IFT88: variants seen among roughly 807,000 people sequenced by gnomAD.
The protein encoded by IFT88 is intraflagellar transport 88, also known as intraflagellar transport protein 88 homolog.
A neutral mutation model predicts 119.5 loss-of-function variants in IFT88; 74 were observed. The observed-to-expected ratio is 0.62, with a 90% CI of 0.51 to 0.75. The LOEUF is 0.75. Ranked by LOEUF, IFT88 falls within the 30% of genes least tolerant of loss-of-function variation. The pLI, the probability that IFT88 is intolerant of heterozygous loss-of-function variation, is 0.00. For missense variants in IFT88, 961 were observed against 977.7 expected, an observed-to-expected ratio of 0.98 and a Z score of 0.23; for synonymous variants, 279 against 316.7, an observed-to-expected ratio of 0.88 and a Z score of 1.26.
At chr13:20,591,973 T>C (rs780823737) in intron 6 of IFT88, among the ~76,000 whole-genome samples, 21 of 152,176 alleles carry the variant, frequency 1.4e-4, no homozygotes, top group Non-Finnish European at 2.6e-4. Context: ...ATGTTTGGTA[T>C]GCCAATAAGG....
At chr13:20,655,246 A>C (rs1461563472) in intron 21 of IFT88, among the ~76,000 whole-genome samples, 1 of 151,944 alleles carries the variant, frequency 6.6e-6, no homozygotes, top group African/African-American at 2.4e-5. Flanking sequence ...ATCCTGGCCA[A>C]CATGGTGAAA....
At chr13:20,681,892 T>G (rs1216161574) in intron 24 of IFT88, among the ~76,000 whole-genome samples, 1 of 152,242 alleles carries the variant, frequency 6.6e-6, no homozygotes, top group Non-Finnish European at 1.5e-5. Flanking sequence ...AATAAGAAGC[T>G]TTACCATTAC....
intron 13 of IFT88, among the ~76,000 whole-genome samples, chr13:20,610,613 A>T (rs945139292): frequency 1.3e-5 from 2 of 151,934 alleles, no homozygotes; most frequent in Non-Finnish European, 2.9e-5. Flanking sequence ...TCAGTTCTAC[A>T]TTTCTTTCAG....
At chr13:20,574,185 G>A (rs2036927247) in intron 1 of IFT88, among the ~76,000 whole-genome samples, 195 bp from the exon 2 acceptor site, 1 of 152,060 alleles carries the variant, frequency 6.6e-6, no homozygotes, top group Non-Finnish European at 1.5e-5. Context: ...AACTTAGTTG[G>A]GTGTGGTGGC....
intron 22 of IFT88, among the ~76,000 whole-genome samples, chr13:20,658,088 T>C (rs1467970580): frequency 6.6e-6 from 1 of 151,994 alleles, no homozygotes; most frequent in Non-Finnish European, 1.5e-5. Flanking sequence ...ACATGGGAAT[T>C]AATTCTAGAA....
At chr13:20,680,703 G>A (rs1281627752) in intron 24 of IFT88, among the ~76,000 whole-genome samples, 1 of 152,136 alleles carries the variant, frequency 6.6e-6, no homozygotes, top group African/African-American at 2.4e-5. Context: ...GCTGCAACCG[G>A]GGGGTCCTCG....
intron 24 of IFT88, among the ~76,000 whole-genome samples, chr13:20,685,776 A>G (rs1047571212): frequency 2.8e-4 from 42 of 152,366 alleles, no homozygotes; most frequent in Non-Finnish European, 4.7e-4. Flanking sequence ...GCTACTCAGG[A>G]GACTGAAGCA....
chr13:20,684,417 C>T (rs2057660812), intron 24 of IFT88, among the ~76,000 whole-genome samples: 1 of 152,142 alleles, frequency 6.6e-6, no homozygotes, highest in Non-Finnish European at 1.5e-5. Context: ...CCTGCTCTGT[C>T]ATCTCTTCTG....
chr13:20,610,310 C>A (rs920593489), intron 13 of IFT88, among the ~76,000 whole-genome samples: 20 of 152,002 alleles, frequency 1.3e-4, no homozygotes, highest in African/African-American at 4.8e-4. Flanking sequence ...ACTTTGGTCC[C>A]AAGCTGAGAC....
chr13:20,636,502 T>G (rs1225480505), intron 16 of IFT88, among the ~76,000 whole-genome samples: 1 of 152,266 alleles, frequency 6.6e-6, no homozygotes, highest in African/African-American at 2.4e-5. Context: ...CATTGGCCCT[T>G]CAGCATCCTA....
intron 24 of IFT88, among the ~76,000 whole-genome samples, chr13:20,679,105 C>G (rs1330950533): frequency 2.0e-5 from 3 of 152,176 alleles, no homozygotes; most frequent in Non-Finnish European, 4.4e-5. Context: ...TAACTCTTTC[C>G]CACTCGTGCT....
intron 22 of IFT88, among the ~76,000 whole-genome samples, chr13:20,658,480 A>G (rs2053251353): frequency 6.6e-6 from 1 of 152,208 alleles, no homozygotes; most frequent in Non-Finnish European, 1.5e-5. Context: ...TTTCTGTTTA[A>G]AGAACTTTCT....
In IFT88 at chr13:20,625,769, GCTT is replaced by G; in HGVS notation, c.1222_1224del (p.Ser408del). On this transcript the variant is annotated inframe_deletion, in exon 15 of 26. Coordinates refer to ENST00000351808, the MANE Select transcript of IFT88 (RefSeq NM_006531.5). ...TTATAGGTGCGTGGAAGTGGTGAAA[GCTT>G]CTCAATATGTAGAGCTAGCCAATGA... 6.2e-7 allele frequency: 1 copy of G among 1,603,690 alleles called. No homozygotes were observed. Among genetic ancestry groups the G allele is most frequent in the African/African-American group, 1.3e-5 (1 of 74,388 alleles).
intron 19 of IFT88, 110 bp from the exon 20 acceptor site, chr13:20,644,733 T>G: frequency 1.7e-6 from 1 of 578,512 alleles, no homozygotes; most frequent in East Asian, 2.7e-5. Flanking sequence ...CATACTCCTT[T>G]ATTAAGAAAT....
At chr13:20,596,907 A>G (rs2041742201) in intron 8 of IFT88, 108 bp from the exon 9 acceptor site, 10 of 608,206 alleles carry the variant, frequency 1.6e-5, no homozygotes, top group Non-Finnish European at 2.6e-5. Flanking sequence ...GTCTTGAGGA[A>G]TCTGAGGATA....
At chr13:20,598,806 A>T in intron 10 of IFT88, 53 bp downstream of exon 10, 1 of 1,035,640 alleles carries the variant, frequency 9.7e-7, no homozygotes, top group Non-Finnish European at 1.5e-6. Context: ...CGTAGTGTTA[A>T]TTTATGTCTC....
At chr13:20,635,772 C>T (rs923927216) in intron 16 of IFT88, among the ~76,000 whole-genome samples, 2 of 152,014 alleles carry the variant, frequency 1.3e-5, no homozygotes, top group African/African-American at 4.8e-5. Flanking sequence ...ATACCTAATG[C>T]ATACAGGGCT....
At chr13:20,576,157 TTGTA>T (rs1566049079) in intron 2 of IFT88, among the ~76,000 whole-genome samples, 1 of 152,240 alleles carries the variant, frequency 6.6e-6, no homozygotes, top group Non-Finnish European at 1.5e-5. Flanking sequence ...TGCTTGCCAT[TTGTA>T]TGTCTTCTTT....
chr13:20,630,351 T>G (rs915789814), intron 15 of IFT88, among the ~76,000 whole-genome samples: 11 of 152,218 alleles, frequency 7.2e-5, no homozygotes, highest in Admixed American at 6.5e-4. Flanking sequence ...ATTTTTAGTA[T>G]TTTCTATAAT....
Sources: gnomAD v4.1 joint callset for allele counts (sites outside exome capture counted in the v4.1 genomes callset) on GRCh38, gnomAD v4.1.1 for gene constraint, MANE v1.5 for transcripts, NCBI Gene and HGNC (gene_info 2026-07-23, HGNC 2026-07-21) for gene names.